Variants in EPHA3 observed in about 807,000 individuals in gnomAD.
EPHA3 encodes the protein EPH receptor A3, also known as ephrin type-A receptor 3.
In EPHA3, 42 loss-of-function variants were observed where a neutral mutation model predicts 107.1. That is an observed-to-expected ratio of 0.39 (90% CI 0.31 to 0.51). The LOEUF is 0.51. Among genes scored for constraint, EPHA3 ranks in the 20% least tolerant of loss-of-function variants. EPHA3 has a pLI of 0.78. For synonymous variants in EPHA3, 461 were observed against 424.8 expected, an observed-to-expected ratio of 1.09 and a Z score of -1.05; for missense variants, 1,183 against 1,211.2, an observed-to-expected ratio of 0.98 and a Z score of 0.35.
intron 16 of EPHA3, 45 bp from the exon 17 acceptor site, chr3:89,479,352 C>T (rs757830446): frequency 2.7e-6 from 4 of 1,478,278 alleles, no homozygotes; most frequent in Admixed American, 3.4e-5. Context: ...CCTGCTTATA[C>T]ACTATCGAGG....
At chr3:89,200,081 T>C (rs2107158240) in intron 2 of EPHA3, among the ~76,000 whole-genome samples, 1 of 152,342 alleles carries the variant, frequency 6.6e-6, no homozygotes, top group South Asian at 2.1e-4. Flanking sequence ...GTAGATATTA[T>C]GTTCTATAAG....
chr3:89,363,396 C>T (rs1443127769), intron 5 of EPHA3, among the ~76,000 whole-genome samples: 2 of 150,772 alleles, frequency 1.3e-5, no homozygotes, highest in East Asian at 2.0e-4. Context: ...ACCTAGGGAA[C>T]AGCTGACATT....
chr3:89,466,759 C>T (rs1320227407), intron 15 of EPHA3, among the ~76,000 whole-genome samples: 1 of 137,214 alleles, frequency 7.3e-6, no homozygotes, highest in Non-Finnish European at 1.6e-5. Context: ...GAACCCGGTA[C>T]CTCAGATGGA....
Position 89,481,920 on chromosome 3 carries a change from A to T in EPHA3, c.*2418A>T, listed in dbSNP as rs1710627148. The T allele has an allele frequency of 1.3e-5, 3 of 227,182 alleles. No homozygotes were observed. In the East Asian group the frequency reaches 1.9e-4, roughly 14 times the overall value. 14.1% of individuals were successfully genotyped at this position (227,182 alleles called of 1,614,324 possible). On this transcript the variant is annotated 3_prime_UTR_variant, in exon 17 of 17. Transcript: ENST00000336596. ...TTACATATATTATTTATTTCTGGTA[A>T]CTCACTCAGTTTATGCTGTGCTAAA...
chr3:89,397,392 A>G (rs549573364), intron 6 of EPHA3, among the ~76,000 whole-genome samples: 1 of 152,178 alleles, frequency 6.6e-6, no homozygotes, highest in Non-Finnish European at 1.5e-5. Flanking sequence ...ATGATGCCAC[A>G]AAATTCTTAA....
intron 15 of EPHA3, among the ~76,000 whole-genome samples, chr3:89,459,894 A>C (rs1710186873): frequency 2.6e-5 from 4 of 152,246 alleles, no homozygotes; most frequent in African/African-American, 9.6e-5. Flanking sequence ...AATAGTCTTA[A>C]AATAAAAATA....
In EPHA3 at chr3:89,469,065, G is replaced by T. The variant is rs562573930; in HGVS notation, c.2691-3399G>T. Among the ~76,000 whole-genome samples, 27 of 152,124 alleles carry T rather than the reference G, an allele frequency of 1.8e-4. No individual in the cohort carries two copies. In the South Asian group the frequency reaches 5.4e-3, roughly 30 times the overall value. The stretch of plus-strand genomic sequence containing the variant: ...AAAAAATTAATATTTATATAATATG[G>T]CCCAATCCTTTTTTAGATAATCTCT... On this transcript the variant is annotated intron_variant, in intron 15 of 16. Transcript: ENST00000336596.
chr3:89,139,180 C>G (rs1404310556), intron 2 of EPHA3, among the ~76,000 whole-genome samples: 2 of 151,716 alleles, frequency 1.3e-5, no homozygotes, highest in Non-Finnish European at 2.9e-5. Context: ...CTAGCCTATT[C>G]AAGAAAGGAG....
chr3:89,429,219 TAG>T (rs1295572742), intron 12 of EPHA3, 52 bp downstream of exon 12: 1 of 1,384,148 alleles, frequency 7.2e-7, no homozygotes. Flanking sequence ...CTGAAAACAT[TAG>T]AGACACCCTC....
In EPHA3 at chr3:89,136,330, C is replaced by CTTTTTTTTTTTTTTTTTTTT. The variant is rs67054298; in HGVS notation, c.153+9062_153+9081dup. Among the ~76,000 whole-genome samples the CTTTTTTTTTTTTTTTTTTTT allele has an allele frequency of 6.4e-4, 15 of 23,382 alleles. 3 individuals are homozygous for CTTTTTTTTTTTTTTTTTTTT. The highest frequency in any genetic ancestry group is 8.3e-4 in the African/African-American group (5 of 6,060). 15.3% of individuals were successfully genotyped at this position (23,382 alleles called of 152,430 possible). A position where few individuals can be genotyped will look rare whatever the true frequency, so the allele number is the denominator to read the frequency against. On this transcript the variant is annotated intron_variant, in intron 2 of 16. Transcript: ENST00000336596. ...GAAAAACATGGCAAAATCTTACAGGCTTTTTTTTTTTTTTTTTTTTTTTTG... is the reference window on the plus strand; with the variant it reads ...GAAAAACATGGCAAAATCTTACAGGCTTTTTTTTTTTTTTTTTTTTTTTTTTTTTTTTTTTTTTTTTTTTG...
At chr3:89,107,873 GCGGGGCTCACGCT>G in intron 1 of EPHA3, 37 bp downstream of exon 1, 1 of 1,596,332 alleles carries the variant, frequency 6.3e-7, no homozygotes, top group Non-Finnish European at 8.6e-7. Context: ...GCTCTGCCCC[GCGGGGCTCACGCT>G]CTTCAAAGCA....
At chr3:89,369,666 T>G (rs1370441428) in intron 5 of EPHA3, among the ~76,000 whole-genome samples, 2 of 148,192 alleles carry the variant, frequency 1.3e-5, no homozygotes, top group Admixed American at 1.3e-4. Context: ...GGGATCTAAT[T>G]AAACTAAAGA....
At chr3:89,182,096 C>A (rs1351891695) in intron 2 of EPHA3, among the ~76,000 whole-genome samples, 1 of 151,128 alleles carries the variant, frequency 6.6e-6, no homozygotes, top group Non-Finnish European at 1.5e-5. Flanking sequence ...TTTATTTTTC[C>A]CCTTTATCCT....
chr3:89,188,783 C>G (rs888418405), intron 2 of EPHA3, among the ~76,000 whole-genome samples: 1 of 152,190 alleles, frequency 6.6e-6, no homozygotes, highest in African/African-American at 2.4e-5. Context: ...CACACCTCTT[C>G]CCATGACAAT....
chr3:89,152,147 C>A (rs967127750), intron 2 of EPHA3, among the ~76,000 whole-genome samples: 2 of 152,092 alleles, frequency 1.3e-5, no homozygotes, highest in Non-Finnish European at 2.9e-5. Context: ...CGAAGGTACT[C>A]ATCAACATTA....
rs1469407685 is a variant in EPHA3 at position 89,413,128 on chromosome 3, T to C, written c.1763-13T>C. 1 of 1,610,502 alleles carries C rather than the reference T, an allele frequency of 6.2e-7. No individual in the cohort carries two copies. Among genetic ancestry groups the C allele is most frequent in the Non-Finnish European group, 8.5e-7 (1 of 1,177,696 alleles). ...CTAGCTACAATTGCGCCTTTCTTTCTTTCCTCAAACAGTAAAACTTCCAGG... is the reference window on the plus strand; with the variant it reads ...CTAGCTACAATTGCGCCTTTCTTTCCTTCCTCAAACAGTAAAACTTCCAGG... On this transcript the variant is annotated splice_polypyrimidine_tract_variant and intron_variant, in intron 9 of 16. Transcript: ENST00000336596.
intron 5 of EPHA3, among the ~76,000 whole-genome samples, chr3:89,356,521 C>T (rs1273192141): frequency 6.6e-6 from 1 of 151,260 alleles, no homozygotes; most frequent in Non-Finnish European, 1.5e-5. Flanking sequence ...TTAATGATTG[C>T]CATTCTAGTA....
intron 3 of EPHA3, among the ~76,000 whole-genome samples, chr3:89,271,523 A>G (rs768464841): frequency 6.6e-6 from 1 of 151,952 alleles, no homozygotes; most frequent in Admixed American, 6.6e-5. Context: ...ATCATGTCTA[A>G]TATGCTTTCG....
chr3:89,115,643 G>T (rs934272012), intron 1 of EPHA3, among the ~76,000 whole-genome samples: 3 of 152,130 alleles, frequency 2.0e-5, no homozygotes, highest in African/African-American at 7.2e-5. Context: ...TCAGTGCTCT[G>T]CTGGCAAATA....
Sources: allele counts gnomAD v4.1 joint callset (sites outside exome capture counted in the v4.1 genomes callset), GRCh38; gene constraint gnomAD v4.1.1; transcripts MANE v1.5; gene names NCBI Gene and HGNC (gene_info 2026-07-23, HGNC 2026-07-21).